The following PRDM16 variants were observed in gnomAD, a reference collection of about 807,000 sequenced individuals.
PRDM16 encodes the protein PR/SET domain 16.
A neutral mutation model predicts 110.6 loss-of-function variants in PRDM16; 23 were observed. The ratio of observed to expected loss-of-function variants is 0.21; its 90% confidence interval spans 0.15 to 0.29. The LOEUF (loss-of-function observed/expected upper bound fraction) is 0.29, where lower values mean the gene tolerates loss of function less well. Ranked by LOEUF, PRDM16 falls within the 10% of genes least tolerant of loss-of-function variation. The probability of loss-of-function intolerance (pLI) is 1.00; values close to 1 mark genes in which losing one functional copy is unlikely to be tolerated. For missense variants in PRDM16, 1,615 were observed against 1,794.3 expected, an observed-to-expected ratio of 0.90 and a Z score of 1.81; for synonymous variants, 799 against 781.8, an observed-to-expected ratio of 1.02 and a Z score of -0.37.
In PRDM16 at chr1:3,152,344, GCATT is replaced by G. The variant is rs1470419356; in HGVS notation, c.38-33777_38-33774del. On this transcript the variant is annotated intron_variant, in intron 1 of 16. Coordinates refer to ENST00000270722, the MANE Select transcript of PRDM16 (RefSeq NM_022114.4). ...TCCATCCATCCATCCATTTATCTAT[GCATT>G]CATCCATCCATCCATCCATCCATCC... Among the ~76,000 whole-genome samples the G allele has an allele frequency of 2.9e-3, 230 of 79,234 alleles. 1 individual carries two copies. Among genetic ancestry groups the G allele is most frequent in the African/African-American group, 8.7e-3 (182 of 20,966 alleles). The allele number at this position is 79,234 out of a possible 152,430, so 52.0% of individuals were successfully genotyped here.
intron 3 of PRDM16, among the ~76,000 whole-genome samples, chr1:3,271,221 C>A (rs572053970): frequency 6.6e-6 from 1 of 152,204 alleles, no homozygotes; most frequent in Non-Finnish European, 1.5e-5. Context: ...AGATATCCCT[C>A]GAGGAAGGAA....
intron 3 of PRDM16, among the ~76,000 whole-genome samples, chr1:3,291,731 T>TC (rs1476036689): frequency 1.3e-5 from 2 of 152,232 alleles, no homozygotes; most frequent in Non-Finnish European, 1.5e-5. Flanking sequence ...GAAATGCAAG[T>TC]CCCCTGAACC....
At position 3,434,130 on chromosome 1, in the gene PRDM16, A is replaced by G; in HGVS notation, c.*319A>G. 1 of 348,338 alleles carries G rather than the reference A, an allele frequency of 2.9e-6. No individual in the cohort carries two copies. The highest frequency in any genetic ancestry group is 5.2e-6 in the Non-Finnish European group (1 of 190,894). The allele number at this position is 348,338 out of a possible 1,614,324, so 21.6% of individuals were successfully genotyped here. A position where few individuals can be genotyped will look rare whatever the true frequency, so the allele number is the denominator to read the frequency against. ...GGGCAGGTGGACGCTCTGCTGAGAC[A>G]GAAGCTGGTGGCCACTGCCGGGTGC... On this transcript the variant is annotated 3_prime_UTR_variant, in exon 17 of 17. Transcript: ENST00000270722.
rs369599647 is a variant in PRDM16, at chr1:3,412,457, G to A, written c.2260G>A (p.Glu754Lys). 1.1e-4 allele frequency: 173 copies of A among 1,612,754 alleles called. No individual in the cohort carries two copies. The highest frequency in any genetic ancestry group is 1.3e-4 in the Non-Finnish European group (157 of 1,179,826). The change falls in exon 9 of 17, where the codon GAG (glutamate) becomes AAG (lysine). Residue 754 changes from glutamate to lysine, a missense_variant. Coordinates refer to ENST00000270722, the MANE Select transcript of PRDM16 (RefSeq NM_022114.4). The part of the protein sequence containing the change: ...ALAHNLLVKA[E>K]PKSPRDALKV... ...CGCCCACAACTTGCTGGTCAAGGCC[G>A]AGCCAAAGTCACCCCGGGACGCCCT...
intron 12 of PRDM16, among the ~76,000 whole-genome samples, chr1:3,421,124 G>A (rs372109010): frequency 6.6e-6 from 1 of 152,154 alleles, no homozygotes; most frequent in Non-Finnish European, 1.5e-5. Context: ...GTATTTTTAC[G>A]GCTGGGTTTC....
rs1328672888 is a variant in PRDM16 at position 3,435,929 on chromosome 1, G to C, written c.*2118G>C. ...CACCTGTGCGTGCGCTGGGGCCATG[G>C]GGTGGCCCCGCCGGGGCAGCGGGGG... On this transcript the variant is annotated 3_prime_UTR_variant, in exon 17 of 17. Transcript: ENST00000270722. 1 of 231,636 alleles carries C rather than the reference G, an allele frequency of 4.3e-6. No individual in the cohort carries two copies. The highest frequency in any genetic ancestry group is 8.5e-6 in the Non-Finnish European group (1 of 117,094). The allele number at this position is 231,636 out of a possible 1,614,324, so 14.3% of individuals were successfully genotyped here. A position where few individuals can be genotyped will look rare whatever the true frequency, so the allele number is the denominator to read the frequency against.
rs962578139 is a variant in PRDM16, at chr1:3,181,766, A to G, written c.38-4359A>G. On this transcript the variant is annotated intron_variant, in intron 1 of 16. Coordinates refer to ENST00000270722, the MANE Select transcript of PRDM16 (RefSeq NM_022114.4). ...CGGAGTCTTACACACGGTCTTACACACAGTCTTACACATGCAGTCTTACAC... is the reference window on the plus strand; with the variant it reads ...CGGAGTCTTACACACGGTCTTACACGCAGTCTTACACATGCAGTCTTACAC... Among the ~76,000 whole-genome samples, 20 of 135,946 alleles carry G rather than the reference A, an allele frequency of 1.5e-4. No homozygotes were observed. In the South Asian group the frequency reaches 1.6e-3, roughly 11 times the overall value. The allele number at this position is 135,946 out of a possible 152,430, so 89.2% of individuals were successfully genotyped here. A position where few individuals can be genotyped will look rare whatever the true frequency, so the allele number is the denominator to read the frequency against.
chr1:3,114,491 CGCACACACGCGCAT>C (rs1055653857), intron 1 of PRDM16, among the ~76,000 whole-genome samples: 25 of 148,400 alleles, frequency 1.7e-4, no homozygotes, highest in Non-Finnish European at 2.8e-4. Flanking sequence ...CACGCACGCA[CGCACACACGCGCAT>C]GCACACACAC....
chr1:3,154,558 C>T (rs535267828), intron 1 of PRDM16, among the ~76,000 whole-genome samples: 9 of 152,316 alleles, frequency 5.9e-5, no homozygotes, highest in African/African-American at 2.2e-4. Context: ...GCCCCCATGG[C>T]CCTTCCCACT....
intron 4 of PRDM16, among the ~76,000 whole-genome samples, chr1:3,386,138 T>A (rs1253540259): frequency 7.6e-6 from 1 of 130,848 alleles, no homozygotes; most frequent in East Asian, 3.0e-4. Flanking sequence ...ACACCGTGCG[T>A]TCCTCGGGGT....
At chr1:3,313,748 G>A (rs960697749) in intron 3 of PRDM16, among the ~76,000 whole-genome samples, 8 of 152,216 alleles carry the variant, frequency 5.3e-5, no homozygotes, top group African/African-American at 1.9e-4. Context: ...GCGGGCCTGG[G>A]ATTTGCGAAT....
At chr1:3,119,846 GAC>G (rs2100659872) in intron 1 of PRDM16, among the ~76,000 whole-genome samples, 1 of 152,352 alleles carries the variant, frequency 6.6e-6, no homozygotes, top group East Asian at 1.9e-4. Context: ...CTCAGCAGCT[GAC>G]ACAGCCCATC....
At chr1:3,394,699 T>G (rs1643358681) in intron 4 of PRDM16, among the ~76,000 whole-genome samples, 1 of 152,220 alleles carries the variant, frequency 6.6e-6, no homozygotes, top group Non-Finnish European at 1.5e-5. Flanking sequence ...CACTTGCGCC[T>G]GCTACAATGC....
At chr1:3,093,591 C>G (rs146199027) in intron 1 of PRDM16, among the ~76,000 whole-genome samples, 3 of 152,156 alleles carry the variant, frequency 2.0e-5, no homozygotes, top group Admixed American at 2.0e-4. Context: ...AGGCTGAGGT[C>G]GCAGTGCCTG....
In PRDM16 at chr1:3,081,182, A is replaced by G. The variant is rs1642018363; in HGVS notation, c.37+11886A>G. ...CTTCCCGAGGTTAGATAAAGCCGCT[A>G]AAAGCTGCTGTTTGTTATTGAATCT... On this transcript the variant is annotated intron_variant, in intron 1 of 16. Transcript: ENST00000270722. This position sits in a 1 kb window ranked among gnomAD's most constrained non-coding sequence, Gnocchi z 4.6. Among the ~76,000 whole-genome samples the G allele has an allele frequency of 6.6e-6, 1 of 152,220 alleles. No homozygotes were observed. The highest frequency in any genetic ancestry group is 1.5e-5 in the Non-Finnish European group (1 of 68,038).
At position 3,382,094 on chromosome 1, in the gene PRDM16, G is replaced by A. The variant is rs565844075; in HGVS notation, c.439-3058G>A. Reference sequence around the variant, plus strand: ...GGCCTTTCCAGCGGTTTCCTGCTGCGCATCAGCAGTCAGGGTGGGAGGTGA... The same window carrying A: ...GGCCTTTCCAGCGGTTTCCTGCTGCACATCAGCAGTCAGGGTGGGAGGTGA... On this transcript the variant is annotated intron_variant, in intron 3 of 16. Coordinates refer to ENST00000270722, the MANE Select transcript of PRDM16 (RefSeq NM_022114.4). This position sits in a 1 kb window ranked among gnomAD's most constrained non-coding sequence, Gnocchi z 6.6. 1.3e-5 allele frequency among the ~76,000 whole-genome samples: 2 copies of A among 152,336 alleles called. No homozygotes were observed. The highest frequency in any genetic ancestry group is 2.1e-4 in the South Asian group (1 of 4,826).
intron 3 of PRDM16, among the ~76,000 whole-genome samples, chr1:3,331,536 A>T (rs1445285519): frequency 6.6e-6 from 1 of 152,150 alleles, no homozygotes; most frequent in Non-Finnish European, 1.5e-5. Flanking sequence ...AGGGACACAC[A>T]TGGGACGGGG....
chr1:3,398,152 A>G (rs1399203318), intron 5 of PRDM16, among the ~76,000 whole-genome samples: 1 of 152,204 alleles, frequency 6.6e-6, no homozygotes, highest in African/African-American at 2.4e-5. Context: ...AGACAAATCT[A>G]CTTGACTTAA....
At chr1:3,172,296 A>T (rs1569754415) in intron 1 of PRDM16, among the ~76,000 whole-genome samples, 1 of 152,070 alleles carries the variant, frequency 6.6e-6, no homozygotes, top group Admixed American at 6.5e-5. Context: ...CAGAGGCTGG[A>T]AGGAGACCCT....
Sources: gnomAD v4.1 joint callset for allele counts (sites outside exome capture counted in the v4.1 genomes callset) on GRCh38, gnomAD v4.1.1 for gene constraint, Gnocchi (gnomAD v3.1) non-coding constraint, MANE v1.5 for transcripts, NCBI Gene and HGNC (gene_info 2026-07-23, HGNC 2026-07-21) for gene names.